Variants in SLC8A1 observed in about 807,000 individuals in gnomAD.
SLC8A1 encodes the protein sodium/calcium exchanger 1.
A neutral mutation model predicts 68.3 loss-of-function variants in SLC8A1; 18 were observed. The ratio of observed to expected loss-of-function variants is 0.26; its 90% CI spans 0.18 to 0.39. The LOEUF is 0.39. Among genes scored for constraint, SLC8A1 ranks in the 10% least tolerant of loss-of-function variants. SLC8A1 has a pLI of 1.00. For missense variants in SLC8A1, 985 were observed against 1,156.7 expected (o/e 0.85, Z 2.15); for synonymous variants, 475 against 415.5 (o/e 1.14, Z -1.74).
In SLC8A1 at chr2:40,310,850, T is replaced by C. The variant is rs2149304642; in HGVS notation, c.1808+117623A>G. 1.3e-5 allele frequency among the ~76,000 whole-genome samples: 2 copies of C among 152,214 alleles called. 1 individual carries two copies. The highest frequency in any genetic ancestry group is 4.2e-4 in the South Asian group (2 of 4,818). ...GTGCCAAAATGCAGTTTAGCAACCA[T>C]TTACTCACATACCCTTATACTATGT... On this transcript the variant is annotated intron_variant, in intron 2 of 7. Coordinates refer to ENST00000406785, the Ensembl canonical transcript of SLC8A1.
chr2:40,234,123 C>A (rs1303693141), intron 2 of SLC8A1, among the ~76,000 whole-genome samples: 1 of 152,014 alleles, frequency 6.6e-6, no homozygotes, highest in African/African-American at 2.4e-5. Context: ...TACTTTTTTC[C>A]AATTCTGTGA....
intron 2 of SLC8A1, among the ~76,000 whole-genome samples, chr2:40,194,027 C>T (rs753130695): frequency 3.3e-5 from 5 of 152,104 alleles, no homozygotes; most frequent in African/African-American, 4.8e-5. Context: ...CTGAGTTCCT[C>T]TGCCAAGATC....
chr2:40,433,902 T>C (rs1263212366), intron 1 of SLC8A1, among the ~76,000 whole-genome samples: 1 of 152,182 alleles, frequency 6.6e-6, no homozygotes, highest in Admixed American at 6.5e-5. Flanking sequence ...AGGTTTCCAA[T>C]AGCCTGGCTT....
At chr2:40,383,093 T>C (rs1161000679) in intron 2 of SLC8A1, among the ~76,000 whole-genome samples, 1 of 152,098 alleles carries the variant, frequency 6.6e-6, no homozygotes, top group Non-Finnish European at 1.5e-5. Context: ...TATCCCTGCT[T>C]TGATTTTGTT....
intron 2 of SLC8A1, among the ~76,000 whole-genome samples, chr2:40,231,309 A>T (rs1272048353): frequency 6.6e-6 from 1 of 152,162 alleles, no homozygotes; most frequent in African/African-American, 2.4e-5. Flanking sequence ...ATATGTAAGA[A>T]ATGGAAAATG....
At chr2:40,272,959 T>C (rs938619307) in intron 2 of SLC8A1, among the ~76,000 whole-genome samples, 2 of 152,174 alleles carry the variant, frequency 1.3e-5, no homozygotes, top group Non-Finnish European at 2.9e-5. Context: ...TGTTTTGTTT[T>C]TGAGATGGAG....
At chr2:40,376,090 C>T (rs1196428615) in intron 2 of SLC8A1, among the ~76,000 whole-genome samples, 1 of 152,074 alleles carries the variant, frequency 6.6e-6, no homozygotes, top group East Asian at 1.9e-4. Flanking sequence ...GAGGTAGACT[C>T]TCAAACCTAA....
chr2:40,221,514 A>T (rs989855459), intron 2 of SLC8A1, among the ~76,000 whole-genome samples: 2 of 152,174 alleles, frequency 1.3e-5, no homozygotes, highest in African/African-American at 4.8e-5. Context: ...TCAACATAGT[A>T]TTGGAAGTTC....
At chr2:40,244,648 A>G (rs1242322516) in intron 2 of SLC8A1, among the ~76,000 whole-genome samples, 1 of 89,316 alleles carries the variant, frequency 1.1e-5, no homozygotes, top group Non-Finnish European at 2.8e-5. Flanking sequence ...CTGTCTATGC[A>G]ATGATCGAGG....
At chr2:40,423,540 G>A (rs144369973) in intron 2 of SLC8A1, among the ~76,000 whole-genome samples, 2 of 152,090 alleles carry the variant, frequency 1.3e-5, no homozygotes, top group Non-Finnish European at 2.9e-5. Context: ...AGCCTTCTAT[G>A]TAATGGCCTT....
At chr2:40,497,873 A>G (rs185762712) in intron 1 of SLC8A1, among the ~76,000 whole-genome samples, 1 of 152,196 alleles carries the variant, frequency 6.6e-6, no homozygotes, top group Admixed American at 6.6e-5. Context: ...CTTGTGTTTT[A>G]GCAAATCACT....
intron 1 of SLC8A1, among the ~76,000 whole-genome samples, chr2:40,494,851 C>G (rs1705588400): frequency 6.6e-6 from 1 of 151,284 alleles, no homozygotes. Flanking sequence ...TTCTAAGGAA[C>G]TGAGGAACAA....
chr2:40,358,263 G>A lies in SLC8A1; in HGVS notation c.1808+70210C>T, dbSNP rs74259869. On this transcript the variant is annotated intron_variant, in intron 2 of 7. Coordinates refer to ENST00000406785, the Ensembl canonical transcript of SLC8A1. ...CAGATAATTTTTAAAATTAAAATCT[G>A]GGCAGATTAAGACAAAAAAAAAAAA... Among the ~76,000 whole-genome samples, 105 of 144,180 alleles carry A rather than the reference G, an allele frequency of 7.3e-4. 1 individual carries two copies. In the East Asian group the frequency reaches 0.02, roughly 28 times the overall value. 94.6% of individuals were successfully genotyped at this position (144,180 alleles called of 152,430 possible).
At chr2:40,327,087 C>A (rs1354691025) in intron 2 of SLC8A1, among the ~76,000 whole-genome samples, 1 of 152,212 alleles carries the variant, frequency 6.6e-6, no homozygotes, top group Non-Finnish European at 1.5e-5. Flanking sequence ...AATTCTACTA[C>A]TGTCTTAAAT....
intron 2 of SLC8A1, among the ~76,000 whole-genome samples, chr2:40,220,579 A>T (rs1268408541): frequency 2.0e-5 from 3 of 152,176 alleles, no homozygotes; most frequent in Admixed American, 1.3e-4. Context: ...TCGTTCCATT[A>T]AGAAAAAAGC....
At chr2:40,303,760 G>T (rs560018280) in intron 2 of SLC8A1, among the ~76,000 whole-genome samples, 1 of 152,098 alleles carries the variant, frequency 6.6e-6, no homozygotes, top group African/African-American at 2.4e-5. Context: ...CTTTCAATAC[G>T]AGGGGGATTC....
chr2:40,465,499 C>T (rs1401692347), intron 1 of SLC8A1, among the ~76,000 whole-genome samples: 1 of 152,184 alleles, frequency 6.6e-6, no homozygotes, highest in Middle Eastern at 3.4e-3. Context: ...TAGCTGTTGC[C>T]TTTGGGGTAG....
chr2:40,498,828 C>G (rs929202807), intron 1 of SLC8A1, among the ~76,000 whole-genome samples: 4 of 151,990 alleles, frequency 2.6e-5, no homozygotes, highest in African/African-American at 7.2e-5. Flanking sequence ...CCATAAAAAT[C>G]TTAATAGAGG....
intron 4 of SLC8A1, among the ~76,000 whole-genome samples, chr2:40,172,905 G>A (rs1053166523): frequency 6.6e-6 from 1 of 152,136 alleles, no homozygotes; most frequent in East Asian, 1.9e-4. Flanking sequence ...TCGCGCCACT[G>A]TACTCCAGCC....
Sources: gnomAD v4.1 joint callset for allele counts (sites outside exome capture counted in the v4.1 genomes callset) on GRCh38, gnomAD v4.1.1 for gene constraint, MANE v1.5 for transcripts, NCBI Gene and HGNC (gene_info 2026-07-23, HGNC 2026-07-21) for gene names.